IQGAP3: variants seen among roughly 807,000 people sequenced by gnomAD.
IQGAP3 encodes the protein ras GTPase-activating-like protein IQGAP3.
Under a neutral mutation model 208.2 loss-of-function variants are expected in IQGAP3, and 165 were observed. The observed-to-expected ratio is 0.79, with a 90% CI of 0.70 to 0.90. The LOEUF is 0.90. Ranked by LOEUF, IQGAP3 falls within the 40% of genes least tolerant of loss-of-function variation. The pLI is 0.00. For synonymous variants in IQGAP3, 703 were observed against 803.6 expected, an observed-to-expected ratio of 0.87 and a Z score of 2.12; for missense variants, 1,811 against 2,043.1, an observed-to-expected ratio of 0.89 and a Z score of 2.19.
At chr1:156,534,455 G>T in intron 29 of IQGAP3, 46 bp downstream of exon 29, 1 of 1,381,738 alleles carries the variant, frequency 7.2e-7, no homozygotes, top group Non-Finnish European at 9.9e-7. Context: ...GATGTCAAAG[G>T]TGAGAAGAGG....
chr1:156,537,937 C>T (rs1052594247), intron 26 of IQGAP3, among the ~76,000 whole-genome samples: 26 of 150,686 alleles, frequency 1.7e-4, no homozygotes, highest in African/African-American at 5.4e-4. Flanking sequence ...CACTCTGTTG[C>T]CTAGAGCTGG....
rs758078402 is a variant in IQGAP3 at position 156,569,505 on chromosome 1, G to C, written c.38-42C>G. 2.0e-5 allele frequency: 20 copies of C among 976,030 alleles called. No individual in the cohort carries two copies. The South Asian group carries it at 2.3e-4, about 11-fold the overall frequency. 60.5% of individuals were successfully genotyped at this position (976,030 alleles called of 1,614,324 possible). ...GATAAGGTCAATGAAGAGAGCATTA[G>C]AGGTGCCTTAGCACTGAAGGGTCTT... On this transcript the variant is annotated intron_variant, in intron 1 of 37. Coordinates refer to ENST00000361170, the MANE Select transcript of IQGAP3 (RefSeq NM_178229.5).
chr1:156,566,506 C>G lies in IQGAP3; in HGVS notation c.166G>C (p.Val56Leu). The change falls in exon 3 of 38, where the codon GTG becomes CTG. Residue 56 changes from valine (V) to leucine (L), a missense_variant. Physicochemically the swap from Val to Leu is conservative, Grantham distance 32 (BLOSUM62 1). Transcript: ENST00000361170. ...ACLKEELPSP[V>L]ELEESLRNGV... ...TTCCGAAGGCTCTCCTCCAGCTCCA[C>G]CGGGGAAGGAAGCTCCTCCTTCAGG... 6.2e-7 allele frequency: 1 copy of G among 1,614,194 alleles called. No individual in the cohort carries two copies. The highest frequency in any genetic ancestry group is 8.5e-7 in the Non-Finnish European group (1 of 1,180,024).
intron 33 of IQGAP3, 45 bp downstream of exon 33, chr1:156,531,115 G>A: frequency 7.4e-7 from 1 of 1,347,124 alleles, no homozygotes; most frequent in Non-Finnish European, 1.1e-6. Flanking sequence ...GGGATGAGGT[G>A]GGGGATGAAT....
chr1:156,568,938 T>C (rs1778826), intron 2 of IQGAP3, among the ~76,000 whole-genome samples: 44,562 of 151,820 alleles, frequency 0.29, 7,049 homozygotes, highest in East Asian at 0.54. Context: ...AATAAGATAA[T>C]GAACTGAAAA....
At chr1:156,545,332 A>G (rs1675188883) in intron 19 of IQGAP3, among the ~76,000 whole-genome samples, 2 of 152,110 alleles carry the variant, frequency 1.3e-5, no homozygotes, top group Non-Finnish European at 2.9e-5. Flanking sequence ...GCCTGTTTCC[A>G]GAAGTTCTCA....
intron 10 of IQGAP3, among the ~76,000 whole-genome samples, chr1:156,561,466 C>G (rs1676148251): frequency 6.6e-6 from 1 of 152,148 alleles, no homozygotes; most frequent in African/African-American, 2.4e-5. Context: ...AGTGCCCAGC[C>G]CTATTAACTC....
At chr1:156,535,103 T>G (rs1557921182) in intron 28 of IQGAP3, 60 bp downstream of exon 28, 3 of 1,235,144 alleles carry the variant, frequency 2.4e-6, no homozygotes, top group Non-Finnish European at 3.6e-6. Flanking sequence ...GTCTGGGGAT[T>G]GCAGGTACCA....
In IQGAP3 at chr1:156,540,570, C is replaced by T; in HGVS notation, c.2739+138G>A. On this transcript the variant is annotated intron_variant, in intron 23 of 37. Coordinates refer to ENST00000361170, the MANE Select transcript of IQGAP3 (RefSeq NM_178229.5). The stretch of plus-strand genomic sequence containing the variant: ...ATGATTTATTAGAATGGCAGAGGGC[C>T]ACTGGAACAAGGACCTGAGTCAGGT... 3 of 680,904 alleles carry T rather than the reference C, an allele frequency of 4.4e-6. No individual in the cohort carries two copies. The Admixed American group carries it at 7.5e-5, about 17-fold the overall frequency. The allele number at this position is 680,904 out of a possible 1,614,324, so 42.2% of individuals were successfully genotyped here.
At chr1:156,552,347 C>T (rs530006451) in intron 13 of IQGAP3, among the ~76,000 whole-genome samples, 1 of 152,266 alleles carries the variant, frequency 6.6e-6, no homozygotes, top group Middle Eastern at 3.4e-3. Flanking sequence ...GATGATCTCA[C>T]CCAATCTCAT....
Position 156,554,219 on chromosome 1 carries a change from G to A in IQGAP3, c.1448+16C>T. 6.3e-7 allele frequency: 1 copy of A among 1,595,872 alleles called. No homozygotes were observed. The highest frequency in any genetic ancestry group is 8.5e-7 in the Non-Finnish European group (1 of 1,172,186). ...CCCCATCCCTCACTCCCAATGTGTG[G>A]CTAAGCCTTTCTCACCGCTGGGCAT... On this transcript the variant is annotated intron_variant, in intron 13 of 37. Transcript: ENST00000361170.
intron 37 of IQGAP3, 87 bp from the exon 38 acceptor site, chr1:156,526,686 C>T (rs1373392077): frequency 3.5e-6 from 3 of 865,366 alleles, no homozygotes; most frequent in East Asian, 2.5e-5. Flanking sequence ...CATCATGGGG[C>T]CTTCTGCAGT....
In IQGAP3 at chr1:156,560,952, C is replaced by G. The variant is rs774165615; in HGVS notation, c.1111G>C (p.Gly371Arg). 8 of 1,613,616 alleles carry G rather than the reference C, an allele frequency of 5.0e-6. No homozygotes were observed. In the Admixed American group the frequency reaches 5.0e-5, roughly 10 times the overall value. ...GACTTACTGGCTTGTTCCTGATCAC[C>G]CTTTGTGTTGGCTGCAGCCACACCA... ...QAGVAAANTK[G>R]DQEQAMLHAV... Residue 371 changes from glycine to arginine, a missense_variant, in exon 11 of 38, where the codon GGT becomes CGT. Transcript: ENST00000361170.
At chr1:156,535,079 G>C in intron 28 of IQGAP3, 84 bp downstream of exon 28, 1 of 1,011,836 alleles carries the variant, frequency 9.9e-7, no homozygotes, top group Non-Finnish European at 1.6e-6. Flanking sequence ...AGGATTTTTT[G>C]TGTTTTTGTC....
rs762540788 is a variant in IQGAP3 at position 156,548,500 on chromosome 1, C to G, written c.1994-13G>C. ...AAAGCTGTGTCTGCTAAGCAGAAAC[C>G]AAGCAAGCAGAAAAGGTTCAGAGCA... On this transcript the variant is annotated splice_polypyrimidine_tract_variant and intron_variant, in intron 17 of 37. Transcript: ENST00000361170. The G allele has an allele frequency of 6.2e-7, 1 of 1,612,006 alleles. No individual in the cohort carries two copies. The highest frequency in any genetic ancestry group is 1.1e-5 in the South Asian group (1 of 90,890).
chr1:156,561,015 C>T lies in IQGAP3; in HGVS notation c.1048G>A (p.Gly350Ser). ...SDREQKAQEL[G>S]LVELLEKEEV... ...TCCTTTTCCAGAAGCTCCACCAGGCCCAGCTCCTAAGAGAGGGAAGAGATA... is the reference window on the plus strand; with the variant it reads ...TCCTTTTCCAGAAGCTCCACCAGGCTCAGCTCCTAAGAGAGGGAAGAGATA... The change falls in exon 11 of 38, where the codon GGC becomes AGC. Residue 350 changes from glycine (G) to serine (S), a missense_variant. Gly to Ser is a moderately conservative substitution (Grantham distance 56, BLOSUM62 0). Transcript: ENST00000361170. The T allele has an allele frequency of 6.2e-7, 1 of 1,612,860 alleles. No individual in the cohort carries two copies. The highest frequency in any genetic ancestry group is 8.5e-7 in the Non-Finnish European group (1 of 1,179,036).
At chr1:156,549,470 CAAAA>C (rs11317404) in intron 16 of IQGAP3, among the ~76,000 whole-genome samples, 2 of 80,218 alleles carry the variant, frequency 2.5e-5, no homozygotes, top group Non-Finnish European at 2.7e-5. Flanking sequence ...CACTCTGTCT[CAAAA>C]AAAAAAAAAA....
chr1:156,560,884 A>G (rs1676115626), intron 11 of IQGAP3, 50 bp downstream of exon 11: 1 of 1,282,028 alleles, frequency 7.8e-7, no homozygotes, highest in Non-Finnish European at 1.1e-6. Context: ...ATACTCTTCT[A>G]AGAGTCAGAG....
rs1021870537 is a variant in IQGAP3, at chr1:156,525,904, C to T, written c.*582G>A. ...TAATGGAAGGTCATCTTGCCCATGCCGCCATGGGGGGCAACAGTGCCACAA... is the reference window on the plus strand; with the variant it reads ...TAATGGAAGGTCATCTTGCCCATGCTGCCATGGGGGGCAACAGTGCCACAA... On this transcript the variant is annotated 3_prime_UTR_variant, in exon 38 of 38. Transcript: ENST00000361170. 3.2e-5 allele frequency: 5 copies of T among 154,324 alleles called. No homozygotes were observed. The highest frequency in any genetic ancestry group is 5.8e-5 in the Non-Finnish European group (4 of 69,204). 9.6% of individuals were successfully genotyped at this position (154,324 alleles called of 1,614,324 possible).
Sources: allele counts gnomAD v4.1 joint callset (sites outside exome capture counted in the v4.1 genomes callset), GRCh38; gene constraint gnomAD v4.1.1; transcripts MANE v1.5; gene names NCBI Gene and HGNC (gene_info 2026-07-23, HGNC 2026-07-21).